Variants in CCDC171 observed in about 807,000 individuals in gnomAD.
CCDC171 encodes the protein coiled-coil domain-containing protein 171.
A neutral mutation model predicts 168.2 loss-of-function variants in CCDC171; 177 were observed. The ratio of observed to expected loss-of-function variants is 1.05; its 90% CI spans 0.93 to 1.19. The LOEUF is 1.19. Among genes scored for constraint, CCDC171 ranks in the 50% most tolerant of loss-of-function variants. CCDC171 has a pLI of 0.00. For missense variants in CCDC171, 1,991 were observed against 1,539.0 expected (o/e 1.29, Z -4.91); for synonymous variants, 687 against 540.8 (o/e 1.27, Z -3.75).
At chr9:15,995,499 C>A (rs1265667598) in intron 3 of CCDC171, among the ~76,000 whole-genome samples, 3 of 152,220 alleles carry the variant, frequency 2.0e-5, no homozygotes, top group Non-Finnish European at 4.4e-5. Context: ...GGTGTGCCTG[C>A]TGCATTAGCA....
intron 6 of CCDC171, among the ~76,000 whole-genome samples, chr9:15,610,446 A>T (rs2043579008): frequency 1.3e-5 from 1 of 75,504 alleles, no homozygotes; most frequent in Non-Finnish European, 2.7e-5. Context: ...ATCTCAACTA[A>T]AAAAAAAAAA....
chr9:15,910,677 C>T (rs1823491092), intron 24 of CCDC171, among the ~76,000 whole-genome samples: 1 of 152,062 alleles, frequency 6.6e-6, no homozygotes, highest in Non-Finnish European at 1.5e-5. Context: ...GGTATTTCTC[C>T]TAATGCTATC....
At chr9:15,572,913 C>T (rs548588703) in intron 3 of CCDC171, among the ~76,000 whole-genome samples, 1 of 152,302 alleles carries the variant, frequency 6.6e-6, no homozygotes, top group East Asian at 1.9e-4. Flanking sequence ...AATCCAAGCA[C>T]TTTGAGAGGC....
chr9:15,933,992 G>C (rs1366451023), intron 25 of CCDC171, among the ~76,000 whole-genome samples: 2 of 151,968 alleles, frequency 1.3e-5, no homozygotes, highest in Non-Finnish European at 2.9e-5. Flanking sequence ...ACAACCCATA[G>C]AATGGGGGAA....
At chr9:15,838,724 G>T (rs1371571550) in intron 21 of CCDC171, among the ~76,000 whole-genome samples, 1 of 152,146 alleles carries the variant, frequency 6.6e-6, no homozygotes, top group African/African-American at 2.4e-5. Context: ...TCACCACCAC[G>T]CCTGGCTGGA....
At chr9:16,013,288 T>G (rs964226651) in intron 3 of CCDC171, among the ~76,000 whole-genome samples, 13 of 152,208 alleles carry the variant, frequency 8.5e-5, no homozygotes, top group African/African-American at 3.1e-4. Context: ...CCATCATTAT[T>G]TATTCCCTGG....
At chr9:15,651,924 T>C (rs2047557717) in intron 7 of CCDC171, among the ~76,000 whole-genome samples, 1 of 152,202 alleles carries the variant, frequency 6.6e-6, no homozygotes, top group Admixed American at 6.5e-5. Context: ...TGGATTTTTT[T>C]TGAGACAGGG....
intron 25 of CCDC171, among the ~76,000 whole-genome samples, chr9:15,931,590 C>T (rs942589374): frequency 6.7e-6 from 1 of 149,136 alleles, no homozygotes; most frequent in Non-Finnish European, 1.5e-5. Flanking sequence ...CTCTGTCCAT[C>T]ATTTCCTTTG....
intron 3 of CCDC171, among the ~76,000 whole-genome samples, chr9:15,983,168 C>T (rs745314273): frequency 1.1e-4 from 16 of 152,022 alleles, no homozygotes; most frequent in Admixed American, 3.3e-4. Context: ...CTTTTCAGAA[C>T]CCCCTTCCCC....
At chr9:16,095,867 C>CATATATATATATATATATAT in the CCDC171 span, among the ~76,000 whole-genome samples, 7 of 52,776 alleles carry the variant, frequency 1.3e-4, no homozygotes, top group African/African-American at 3.3e-4. Context: ...CACACATAGG[C>CATATATATATATATATATAT]ACATATATAT....
intron 18 of CCDC171, among the ~76,000 whole-genome samples, chr9:15,750,951 A>G (rs1166647962): frequency 6.6e-6 from 1 of 152,190 alleles, no homozygotes; most frequent in African/African-American, 2.4e-5. Context: ...AGAGAAAGAA[A>G]GGGTATTCAG....
In CCDC171 at chr9:15,767,101, G is replaced by T. The variant is rs188465559; in HGVS notation, c.2672-10499G>T. ...TTTTTAGATGTAAACTTAAAAATGT[G>T]TGAGGGCATACATATCAGGTTCCTG... On this transcript the variant is annotated intron_variant, in intron 18 of 25. Transcript: ENST00000380701. Among the ~76,000 whole-genome samples the T allele has an allele frequency of 2.2e-3, 331 of 152,300 alleles. 2 individuals are homozygous for T. Among genetic ancestry groups the T allele is most frequent in the Admixed American group, 7.2e-3 (110 of 15,296 alleles).
At chr9:15,598,382 T>A (rs201196336) in intron 6 of CCDC171, among the ~76,000 whole-genome samples, 15 of 152,110 alleles carry the variant, frequency 9.9e-5, no homozygotes, top group Admixed American at 5.2e-4. Context: ...GAACATCTTT[T>A]TTTCTGCCTT....
chr9:15,632,746 A>G (rs1471710658), intron 7 of CCDC171, among the ~76,000 whole-genome samples: 1 of 152,118 alleles, frequency 6.6e-6, no homozygotes, highest in Admixed American at 6.6e-5. Context: ...AAAGCTGGAG[A>G]CATCATGCTA....
At chr9:15,803,738 A>G (rs1009329350) in intron 21 of CCDC171, among the ~76,000 whole-genome samples, 1 of 127,456 alleles carries the variant, frequency 7.8e-6, no homozygotes, top group African/African-American at 2.9e-5. Context: ...AGGACTGCCT[A>G]GGCTATTTGG....
intron 4 of CCDC171, among the ~76,000 whole-genome samples, chr9:15,587,282 T>C (rs1387184363): frequency 3.9e-5 from 6 of 152,202 alleles, no homozygotes; most frequent in African/African-American, 1.2e-4. Context: ...CCATGTGTTA[T>C]GGGAGGGACC....
At chr9:15,928,097 C>G (rs553148198) in intron 25 of CCDC171, among the ~76,000 whole-genome samples, 1 of 151,744 alleles carries the variant, frequency 6.6e-6, no homozygotes, top group Admixed American at 6.6e-5. Context: ...AAGCCAAGAC[C>G]TCTGATTCCC....
chr9:16,007,607 G>A (rs1832744790), intron 3 of CCDC171, among the ~76,000 whole-genome samples: 2 of 152,168 alleles, frequency 1.3e-5, no homozygotes, highest in African/African-American at 4.8e-5. Context: ...ATTAATTTTA[G>A]TATAAGGTGT....
chr9:15,645,062 G>T (rs2046928241), intron 7 of CCDC171, among the ~76,000 whole-genome samples: 1 of 152,230 alleles, frequency 6.6e-6, no homozygotes, highest in Non-Finnish European at 1.5e-5. Context: ...GGAACGATCA[G>T]GCAGCAACAT....
Sources: gnomAD v4.1 joint callset for allele counts (sites outside exome capture counted in the v4.1 genomes callset) on GRCh38, gnomAD v4.1.1 for gene constraint, MANE v1.5 for transcripts, NCBI Gene and HGNC (gene_info 2026-07-23, HGNC 2026-07-21) for gene names.